The following SGCZ variants were observed in gnomAD, a reference collection of about 807,000 sequenced individuals.
The protein encoded by SGCZ is zeta-sarcoglycan.
Under a neutral mutation model 41.3 loss-of-function variants are expected in SGCZ, and 40 were observed. The observed-to-expected ratio is 0.97, with a 90% CI of 0.75 to 1.26. SGCZ has a LOEUF of 1.26. SGCZ is among the 50% of genes most tolerant of loss of function. The pLI, the probability that SGCZ is intolerant of heterozygous loss-of-function variation, is 0.00. For missense variants in SGCZ, 552 were observed against 369.8 expected, an observed-to-expected ratio of 1.49 and a Z score of -4.04; for synonymous variants, 206 against 137.5, an observed-to-expected ratio of 1.50 and a Z score of -3.49.
chr8:14,376,981 G>A (rs1804155282), intron 2 of SGCZ, among the ~76,000 whole-genome samples: 1 of 152,158 alleles, frequency 6.6e-6, no homozygotes. Context: ...TGAATTTCCT[G>A]ATTGATGAGG....
intron 2 of SGCZ, among the ~76,000 whole-genome samples, chr8:14,524,801 T>A (rs1793710823): frequency 1.3e-5 from 2 of 152,172 alleles, no homozygotes; most frequent in Admixed American, 1.3e-4. Flanking sequence ...TATAATGGAT[T>A]TCAATAATCA....
intron 1 of SGCZ, among the ~76,000 whole-genome samples, chr8:14,885,800 G>C (rs986674018): frequency 6.6e-6 from 1 of 151,484 alleles, no homozygotes; most frequent in Non-Finnish European, 1.5e-5. Context: ...GAGGGGTTTT[G>C]TTGTTGATGA....
At chr8:14,769,091 T>G (rs1800141673) in intron 1 of SGCZ, among the ~76,000 whole-genome samples, 1 of 151,262 alleles carries the variant, frequency 6.6e-6, no homozygotes, top group African/African-American at 2.4e-5. Context: ...AAGAAAATAA[T>G]GAAAATAAAT....
At chr8:15,084,062 T>C (rs559089202) in intron 1 of SGCZ, among the ~76,000 whole-genome samples, 28 of 152,310 alleles carry the variant, frequency 1.8e-4, no homozygotes, top group African/African-American at 5.8e-4. Flanking sequence ...CCATGTCTTT[T>C]GAAAAATTGT....
chr8:14,318,032 C>T (rs1801774235), intron 3 of SGCZ, among the ~76,000 whole-genome samples: 1 of 151,174 alleles, frequency 6.6e-6, no homozygotes, highest in African/African-American at 2.4e-5. Flanking sequence ...ATCAGTAGAA[C>T]AGCATAGAGT....
intron 1 of SGCZ, among the ~76,000 whole-genome samples, chr8:14,675,502 A>C (rs1190502378): frequency 1.3e-5 from 2 of 152,106 alleles, no homozygotes; most frequent in African/African-American, 2.4e-5. Flanking sequence ...TGACCACTGT[A>C]TACACTTTAC....
At chr8:14,911,574 A>T (rs1799280752) in intron 1 of SGCZ, among the ~76,000 whole-genome samples, 1 of 152,072 alleles carries the variant, frequency 6.6e-6, no homozygotes, top group African/African-American at 2.4e-5. Context: ...AAAATTTCAG[A>T]AATGATAAAT....
chr8:14,958,014 C>T (rs1390172267), intron 1 of SGCZ, among the ~76,000 whole-genome samples: 1 of 151,974 alleles, frequency 6.6e-6, no homozygotes, highest in Non-Finnish European at 1.5e-5. Context: ...GAAATTAGCA[C>T]ACTAAAAAGT....
intron 1 of SGCZ, among the ~76,000 whole-genome samples, chr8:14,891,974 A>C (rs1187004491): frequency 6.6e-6 from 1 of 152,262 alleles, no homozygotes; most frequent in African/African-American, 2.4e-5. Flanking sequence ...CTTAACAGAC[A>C]TCACATAATG....
At chr8:14,298,850 T>C (rs1408443541) in intron 3 of SGCZ, among the ~76,000 whole-genome samples, 1 of 151,980 alleles carries the variant, frequency 6.6e-6, no homozygotes, top group Admixed American at 6.6e-5. Flanking sequence ...TCAACATTTT[T>C]ATATGGAACT....
chr8:14,735,830 C>G (rs924025848), intron 1 of SGCZ, among the ~76,000 whole-genome samples: 15 of 152,026 alleles, frequency 9.9e-5, no homozygotes, highest in Admixed American at 9.8e-4. Flanking sequence ...GTAGCTTGTG[C>G]TATTAGGGAG....
intron 1 of SGCZ, among the ~76,000 whole-genome samples, chr8:14,606,445 T>C (rs1294727417): frequency 6.6e-6 from 1 of 152,166 alleles, no homozygotes; most frequent in Admixed American, 6.6e-5. Context: ...CAATTCTCAC[T>C]ATGTATTAAG....
At chr8:14,773,941 T>C (rs1160413483) in intron 1 of SGCZ, among the ~76,000 whole-genome samples, 1 of 152,200 alleles carries the variant, frequency 6.6e-6, no homozygotes, top group Non-Finnish European at 1.5e-5. Flanking sequence ...TTTTATCTGG[T>C]CATAGAATAG....
chr8:14,267,786 G>A (rs1799924779), intron 3 of SGCZ, among the ~76,000 whole-genome samples: 1 of 151,916 alleles, frequency 6.6e-6, no homozygotes, highest in South Asian at 2.1e-4. Context: ...TTTAATTGCT[G>A]CATATATTTA....
chr8:15,185,745 T>C (rs1800313339), intron 1 of SGCZ, among the ~76,000 whole-genome samples: 1 of 151,998 alleles, frequency 6.6e-6, no homozygotes, highest in Admixed American at 6.6e-5. Context: ...GACTACAGAG[T>C]TATTTATGAT....
chr8:14,835,572 A>G (rs544029327), intron 1 of SGCZ, among the ~76,000 whole-genome samples: 1 of 152,128 alleles, frequency 6.6e-6, no homozygotes, highest in Non-Finnish European at 1.5e-5. Context: ...CCAGATCATT[A>G]ATGAGAGTGT....
chr8:14,885,190 G>T, intron 1 of SGCZ, among the ~76,000 whole-genome samples: 1 of 152,058 alleles, frequency 6.6e-6, no homozygotes, highest in East Asian at 1.9e-4. Context: ...ATGTCCATGT[G>T]CCTGTTTGTT....
At chr8:15,167,949 G>C (rs1799714031) in intron 1 of SGCZ, among the ~76,000 whole-genome samples, 1 of 152,150 alleles carries the variant, frequency 6.6e-6, no homozygotes, top group Admixed American at 6.5e-5. Context: ...CCCATCACTT[G>C]GCGGTTTCTT....
intron 2 of SGCZ, among the ~76,000 whole-genome samples, chr8:14,526,298 G>C: frequency 6.6e-6 from 1 of 151,932 alleles, no homozygotes; most frequent in East Asian, 1.9e-4. Context: ...TCTATTTCTA[G>C]GTCTGTCAGT....
Sources: allele counts gnomAD v4.1 joint callset (sites outside exome capture counted in the v4.1 genomes callset), GRCh38; gene constraint gnomAD v4.1.1; transcripts MANE v1.5; gene names NCBI Gene and HGNC (gene_info 2026-07-23, HGNC 2026-07-21).